Variants in NAV2 observed in about 807,000 individuals in gnomAD.
NAV2 encodes the protein helicase, APC down-regulated 1.
A neutral mutation model predicts 223.2 loss-of-function variants in NAV2; 54 were observed. That is an observed-to-expected ratio of 0.24 (90% CI 0.19 to 0.30). The LOEUF is 0.30. Ranked by LOEUF, NAV2 falls within the 10% of genes least tolerant of loss-of-function variation. The pLI is 1.00. For synonymous variants in NAV2, 1,279 were observed against 1,239.3 expected (o/e 1.03, Z -0.67); for missense variants, 2,806 against 3,147.5 (o/e 0.89, Z 2.60).
intron 1 of NAV2, among the ~76,000 whole-genome samples, chr11:19,602,545 T>C (rs1185458677): frequency 1.3e-5 from 2 of 152,160 alleles, no homozygotes; most frequent in African/African-American, 2.4e-5. Context: ...TACCACAAAC[T>C]TGGTGACTTA....
intron 1 of NAV2, among the ~76,000 whole-genome samples, chr11:19,400,351 G>A (rs748254126): frequency 7.9e-5 from 12 of 152,156 alleles, no homozygotes; most frequent in Admixed American, 2.0e-4. Flanking sequence ...TGCCAATTCC[G>A]AAGGTCCTAA....
At chr11:20,092,177 T>A (rs746267618) in intron 27 of NAV2, 29 bp from the exon 28 acceptor site, 1 of 1,602,668 alleles carries the variant, frequency 6.2e-7, no homozygotes, top group Non-Finnish European at 8.5e-7. Flanking sequence ...TTCTGCCTAC[T>A]AAGGGAGCTT....
chr11:20,101,685 G>T, intron 32 of NAV2, among the ~76,000 whole-genome samples: 1 of 152,126 alleles, frequency 6.6e-6, no homozygotes. Flanking sequence ...CACTCAGATG[G>T]TACTAAGTGG....
intron 1 of NAV2, among the ~76,000 whole-genome samples, chr11:19,437,912 A>G (rs951166367): frequency 1.1e-4 from 17 of 152,240 alleles, no homozygotes; most frequent in African/African-American, 4.1e-4. Context: ...TTTCAGAATC[A>G]CTTCTGAGTC....
chr11:20,033,241 C>A (rs978226869), intron 11 of NAV2, among the ~76,000 whole-genome samples: 3 of 152,218 alleles, frequency 2.0e-5, no homozygotes, highest in African/African-American at 7.2e-5. Context: ...CTGGAGAAAC[C>A]TATAACAATA....
intron 1 of NAV2, among the ~76,000 whole-genome samples, chr11:19,816,436 A>C (rs1289050763): frequency 2.0e-5 from 3 of 152,246 alleles, no homozygotes; most frequent in African/African-American, 7.2e-5. Flanking sequence ...GATCTTCTCT[A>C]GTCCCTCTGT....
intron 1 of NAV2, among the ~76,000 whole-genome samples, chr11:19,363,969 A>G (rs1325410016): frequency 6.6e-6 from 1 of 152,162 alleles, no homozygotes; most frequent in Non-Finnish European, 1.5e-5. Context: ...GTGTTCTTCA[A>G]CCTGGAAGCT....
rs376477387 is a variant in NAV2 at position 19,356,323 on chromosome 11, A to G, written c.75+5296A>G. On this transcript the variant is annotated intron_variant, in intron 1 of 37. Coordinates refer to the NAV2 transcript ENST00000360655. The stretch of plus-strand genomic sequence containing the variant: ...AGACCAATTCCCAGCCTTCATCTCA[A>G]TGAAGAGAATGTGAGATAGCATGAT... Among the ~76,000 whole-genome samples the G allele has an allele frequency of 1.2e-4, 19 of 152,190 alleles. No individual in the cohort carries two copies. In the East Asian group the frequency reaches 1.3e-3, roughly 11 times the overall value.
chr11:19,673,082 C>T (rs1351330903), intron 1 of NAV2, among the ~76,000 whole-genome samples: 2 of 152,168 alleles, frequency 1.3e-5, no homozygotes, highest in Non-Finnish European at 2.9e-5. Context: ...TGGCTCTGAA[C>T]CTCTGAGCAG....
At chr11:19,541,659 G>A (rs533131981) in intron 1 of NAV2, among the ~76,000 whole-genome samples, 178 of 152,234 alleles carry the variant, frequency 1.2e-3, no homozygotes, top group African/African-American at 3.8e-3. Flanking sequence ...ACAGGGCCTC[G>A]GGCATCAGGC....
chr11:19,517,046 CA>C (rs67200613), intron 1 of NAV2, among the ~76,000 whole-genome samples: 75 of 140,444 alleles, frequency 5.3e-4, no homozygotes, highest in Non-Finnish European at 5.5e-4. Context: ...CCTCTCTCTC[CA>C]AAAAAAAAAA....
chr11:19,584,538 A>G (rs768206642), intron 1 of NAV2, among the ~76,000 whole-genome samples: 2 of 152,174 alleles, frequency 1.3e-5, no homozygotes, highest in African/African-American at 2.4e-5. Flanking sequence ...TTCCCTCTAC[A>G]TGCTGCTTTG....
At chr11:19,822,706 C>T (rs866319163) in intron 1 of NAV2, among the ~76,000 whole-genome samples, 2 of 152,168 alleles carry the variant, frequency 1.3e-5, no homozygotes, top group South Asian at 4.2e-4. Flanking sequence ...TGGCTCTTCC[C>T]CTCCCCCTGC....
At chr11:19,504,895 A>G (rs910525091) in intron 1 of NAV2, 1 of 152,234 alleles carries the variant, frequency 6.6e-6, no homozygotes, top group African/African-American at 2.4e-5. Flanking sequence ...CTGCCTTGAA[A>G]CATAGTGTTA....
At chr11:19,849,582 A>T (rs2061000708) in intron 3 of NAV2, among the ~76,000 whole-genome samples, 1 of 152,210 alleles carries the variant, frequency 6.6e-6, no homozygotes, top group South Asian at 2.1e-4. Context: ...TTCCAGGCCC[A>T]GTGACCTTGA....
chr11:19,966,566 C>G (rs140523905), intron 10 of NAV2, among the ~76,000 whole-genome samples: 1 of 152,334 alleles, frequency 6.6e-6, no homozygotes, highest in Admixed American at 6.5e-5. Flanking sequence ...CACTCTGAAC[C>G]ACAGACGTTT....
At chr11:19,857,256 T>C (rs1157477150) in intron 3 of NAV2, among the ~76,000 whole-genome samples, 2 of 152,260 alleles carry the variant, frequency 1.3e-5, no homozygotes, top group African/African-American at 4.8e-5. Flanking sequence ...TGGTGGCTTA[T>C]GGGTTTAAGC....
intron 31 of NAV2, 41 bp downstream of exon 31, chr11:20,097,786 G>A (rs770190907): frequency 1.3e-6 from 2 of 1,521,084 alleles, no homozygotes; most frequent in Non-Finnish European, 1.8e-6. Flanking sequence ...TTCAGGAATT[G>A]CAGTGTTTGT....
At chr11:19,981,426 T>TG (rs1181267464) in intron 10 of NAV2, 4 of 152,226 alleles carry the variant, frequency 2.6e-5, no homozygotes, top group African/African-American at 9.6e-5. Flanking sequence ...GTTCTGTACA[T>TG]GTGGGCCTTG....
Sources: gnomAD v4.1 joint callset for allele counts (sites outside exome capture counted in the v4.1 genomes callset) on GRCh38, gnomAD v4.1.1 for gene constraint, MANE v1.5 for transcripts, NCBI Gene and HGNC (gene_info 2026-07-23, HGNC 2026-07-21) for gene names.